The following NOL4 variants were observed in gnomAD, a reference collection of about 807,000 sequenced individuals.
NOL4 encodes cancer/testis antigen 125.
Under a neutral mutation model 75.9 loss-of-function variants are expected in NOL4, and 17 were observed. The ratio of observed to expected loss-of-function variants is 0.22; its 90% CI spans 0.15 to 0.34. The LOEUF (loss-of-function observed/expected upper bound fraction) is 0.34. Among genes scored for constraint, NOL4 ranks in the 10% least tolerant of loss-of-function variants. NOL4 has a pLI of 1.00. For synonymous variants in NOL4, 292 were observed against 289.9 expected (o/e 1.01, Z -0.07); for missense variants, 614 against 793.5 (o/e 0.77, Z 2.72).
chr18:34,119,253 A>T (rs1276944839), intron 2 of NOL4, among the ~76,000 whole-genome samples: 2 of 152,176 alleles, frequency 1.3e-5, no homozygotes, highest in African/African-American at 4.8e-5. Flanking sequence ...TAGAGTATCT[A>T]TCTGACCTTT....
intron 9 of NOL4, among the ~76,000 whole-genome samples, chr18:33,885,846 A>G (rs1403290968): frequency 1.3e-5 from 2 of 152,164 alleles, no homozygotes; most frequent in South Asian, 2.1e-4. Flanking sequence ...AAGAAAATCA[A>G]TTTATCAAAG....
intron 9 of NOL4, among the ~76,000 whole-genome samples, chr18:33,911,355 T>C (rs1445962027): frequency 1.3e-5 from 2 of 152,126 alleles, no homozygotes; most frequent in Non-Finnish European, 2.9e-5. Flanking sequence ...GCTTTTTCTC[T>C]TTCTCTAACT....
intron 2 of NOL4, among the ~76,000 whole-genome samples, chr18:34,127,905 G>A (rs2080458333): frequency 1.3e-5 from 2 of 151,758 alleles, no homozygotes; most frequent in Admixed American, 6.6e-5. Flanking sequence ...GAAAAAACTT[G>A]GGAAAAGAGA....
In NOL4 at chr18:34,076,297, C is replaced by T. The variant is rs533978117; in HGVS notation, c.772+17168G>A. ...CTCCATGGTTAGCAGCTTTGTAGTG[C>T]GCACAAACTTTTTCACTTTATTATA... On this transcript the variant is annotated intron_variant, in intron 5 of 10. Coordinates refer to ENST00000261592, the MANE Select transcript of NOL4 (RefSeq NM_003787.5). Among the ~76,000 whole-genome samples, 24 of 152,182 alleles carry T rather than the reference C, an allele frequency of 1.6e-4. No individual in the cohort carries two copies. The South Asian group carries it at 1.9e-3, about 12-fold the overall frequency.
chr18:33,858,859 G>A (rs2062958452), intron 10 of NOL4, among the ~76,000 whole-genome samples: 1 of 152,004 alleles, frequency 6.6e-6, no homozygotes, highest in African/African-American at 2.4e-5. Context: ...ATGGTTACAA[G>A]TTCATTTGGA....
intron 6 of NOL4, among the ~76,000 whole-genome samples, chr18:34,000,540 C>A (rs80354651): frequency 6.6e-6 from 1 of 152,076 alleles, no homozygotes; most frequent in Non-Finnish European, 1.5e-5. Context: ...TGGCAAAATT[C>A]TTGCGGAACA....
intron 1 of NOL4, 162 bp downstream of exon 1, chr18:34,222,828 G>A (rs1224965530): frequency 2.3e-6 from 2 of 872,754 alleles, no homozygotes; most frequent in Non-Finnish European, 3.5e-6. Context: ...AAACGCGCCT[G>A]GCTAATGCGA....
Position 34,214,061 on chromosome 18 carries a change from C to T in NOL4, c.264+8929G>A, listed in dbSNP as rs569470396. The stretch of plus-strand genomic sequence containing the variant: ...ACTAAGAGGTCAACAATTATTCCTC[C>T]TTAGTTTCCCTCTACATATAAAAAT... On this transcript the variant is annotated intron_variant, in intron 1 of 10. Transcript: ENST00000261592. Among the ~76,000 whole-genome samples, 4 of 152,182 alleles carry T rather than the reference C, an allele frequency of 2.6e-5. No homozygotes were observed. In the East Asian group the frequency reaches 7.7e-4, roughly 29 times the overall value.
rs147757241 is a variant in NOL4, at chr18:33,924,444, T to C, written c.1542+18621A>G. Among the ~76,000 whole-genome samples the C allele has an allele frequency of 3.0e-4, 45 of 152,354 alleles. No homozygotes were observed. The East Asian group carries it at 7.5e-3, about 25-fold the overall frequency. On this transcript the variant is annotated intron_variant, in intron 9 of 10. Transcript: ENST00000261592. ...GCATTAATCCCAGTGAGTACCTCTC[T>C]ATTGGGCCATCTATTACCATTCTCA...
chr18:34,162,329 A>C (rs1282824522), intron 1 of NOL4, among the ~76,000 whole-genome samples: 1 of 152,246 alleles, frequency 6.6e-6, no homozygotes, highest in Admixed American at 6.5e-5. Flanking sequence ...AACAAAATTG[A>C]TAGACCGCTA....
chr18:33,952,639 G>A (rs1055616608), intron 8 of NOL4, among the ~76,000 whole-genome samples: 1 of 152,108 alleles, frequency 6.6e-6, no homozygotes, highest in African/African-American at 2.4e-5. Context: ...TATGAAATTT[G>A]TTCTGCCAGG....
At chr18:33,874,629 T>C (rs1274362844) in intron 10 of NOL4, among the ~76,000 whole-genome samples, 2 of 151,980 alleles carry the variant, frequency 1.3e-5, no homozygotes, top group African/African-American at 2.4e-5. Flanking sequence ...GTAGAGTCAC[T>C]ATAAACTTAG....
intron 9 of NOL4, among the ~76,000 whole-genome samples, chr18:33,935,980 T>C (rs1487820459): frequency 6.6e-6 from 1 of 152,174 alleles, no homozygotes; most frequent in Non-Finnish European, 1.5e-5. Flanking sequence ...CATATCTTGT[T>C]AATATCACAA....
At chr18:34,052,637 C>G (rs1023167309) in intron 5 of NOL4, among the ~76,000 whole-genome samples, 2 of 151,992 alleles carry the variant, frequency 1.3e-5, no homozygotes, top group Non-Finnish European at 2.9e-5. Context: ...TAGGAATAGA[C>G]AGAAAAATAA....
intron 9 of NOL4, among the ~76,000 whole-genome samples, chr18:33,937,713 C>T (rs1466542080): frequency 6.6e-6 from 1 of 152,060 alleles, no homozygotes; most frequent in Non-Finnish European, 1.5e-5. Context: ...AGTAGAATCA[C>T]TTGGTAGAAG....
At chr18:33,956,449 A>T (rs552910739) in intron 8 of NOL4, among the ~76,000 whole-genome samples, 72 of 152,248 alleles carry the variant, frequency 4.7e-4, no homozygotes, top group Non-Finnish European at 7.8e-4. Context: ...CTACCCAATC[A>T]CACCTAACTA....
At chr18:34,057,664 G>A (rs1380060906) in intron 5 of NOL4, among the ~76,000 whole-genome samples, 1 of 152,160 alleles carries the variant, frequency 6.6e-6, no homozygotes, top group Non-Finnish European at 1.5e-5. Context: ...ATTAGAATAT[G>A]ATTACATGCA....
At chr18:34,009,076 T>TC (rs1392517160) in intron 6 of NOL4, among the ~76,000 whole-genome samples, 30 of 151,732 alleles carry the variant, frequency 2.0e-4, no homozygotes, top group Non-Finnish European at 3.2e-4. Context: ...TTTTTTTTTT[T>TC]TCTAGCTGAG....
intron 10 of NOL4, among the ~76,000 whole-genome samples, chr18:33,853,618 G>C (rs2062714482): frequency 2.0e-5 from 3 of 151,976 alleles, no homozygotes. Flanking sequence ...TTTCATTTCA[G>C]GCAGATGTTG....
Sources: gnomAD v4.1 joint callset for allele counts (sites outside exome capture counted in the v4.1 genomes callset) on GRCh38, gnomAD v4.1.1 for gene constraint, MANE v1.5 for transcripts, NCBI Gene and HGNC (gene_info 2026-07-23, HGNC 2026-07-21) for gene names.